Variants in RAD51B observed in about 807,000 individuals in gnomAD.
The protein encoded by RAD51B is DNA repair protein RAD51 homolog 2.
Under a neutral mutation model 42.2 loss-of-function variants are expected in RAD51B, and 38 were observed. That is an observed-to-expected ratio of 0.90 (90% CI 0.70 to 1.18). RAD51B has a LOEUF of 1.18. Ranked by LOEUF, RAD51B falls within the 50% of genes most tolerant of loss-of-function variation. The pLI is 0.00. For missense variants in RAD51B, 373 were observed against 400.7 expected (o/e 0.93, Z 0.59); for synonymous variants, 154 against 145.2 (o/e 1.06, Z -0.43).
chr14:67,860,520 G>C (rs748500040), intron 4 of RAD51B, among the ~76,000 whole-genome samples: 4 of 152,062 alleles, frequency 2.6e-5, no homozygotes, highest in Non-Finnish European at 5.9e-5. Context: ...ACATTTCATT[G>C]CATGTAGAAT....
At chr14:68,606,185 T>C (rs1891440222) in intron 10 of RAD51B, among the ~76,000 whole-genome samples, 1 of 152,162 alleles carries the variant, frequency 6.6e-6, no homozygotes, top group Non-Finnish European at 1.5e-5. Context: ...GGAACAACTG[T>C]GTAAGATGCT....
At chr14:68,362,404 T>C (rs2083043920) in intron 8 of RAD51B, among the ~76,000 whole-genome samples, 1 of 152,204 alleles carries the variant, frequency 6.6e-6, no homozygotes, top group African/African-American at 2.4e-5. Flanking sequence ...CATAGCAATC[T>C]GATGATGTAA....
chr14:68,269,512 C>T (rs1282564170), intron 7 of RAD51B, among the ~76,000 whole-genome samples: 4 of 152,248 alleles, frequency 2.6e-5, no homozygotes, highest in African/African-American at 9.6e-5. Flanking sequence ...GATCGTCACT[C>T]AGATCTCAGC....
rs542650674 is a variant in RAD51B, at chr14:68,174,532, T to A, written c.757-117352T>A. 5.3e-5 allele frequency among the ~76,000 whole-genome samples: 8 copies of A among 152,248 alleles called. No individual in the cohort carries two copies. The South Asian group carries it at 8.3e-4, about 16-fold the overall frequency. On this transcript the variant is annotated intron_variant, in intron 7 of 10. Coordinates refer to ENST00000471583, the MANE Select transcript of RAD51B (RefSeq NM_133510.4). ...ATAGTACCTTGAGCCTTTCAATGATTGCTGTTTAAAAAGTATATGACTGTA... is the reference window on the plus strand; with the variant it reads ...ATAGTACCTTGAGCCTTTCAATGATAGCTGTTTAAAAAGTATATGACTGTA...
In RAD51B at chr14:68,294,357, A is replaced by G. The variant is rs147501394; in HGVS notation, c.853+2377A>G. Among the ~76,000 whole-genome samples the G allele has an allele frequency of 3.3e-3, 505 of 152,330 alleles. 2 individuals carry two copies. Among genetic ancestry groups the G allele is most frequent in the African/African-American group, 0.011 (476 of 41,572 alleles). ...CTATATAAATATATTCCTATAGTCT[A>G]TAATGAAGGTTTTTATTAGTGGATT... On this transcript the variant is annotated intron_variant, in intron 8 of 10. Coordinates refer to ENST00000471583, the MANE Select transcript of RAD51B (RefSeq NM_133510.4).
At chr14:68,569,072 G>A (rs1223090096) in intron 10 of RAD51B, among the ~76,000 whole-genome samples, 1 of 152,172 alleles carries the variant, frequency 6.6e-6, no homozygotes, top group Non-Finnish European at 1.5e-5. Flanking sequence ...CAATGTTGTG[G>A]TTCTTGGCAC....
intron 7 of RAD51B, among the ~76,000 whole-genome samples, chr14:67,891,514 C>T (rs1321952277): frequency 1.3e-5 from 2 of 152,018 alleles, no homozygotes; most frequent in Non-Finnish European, 2.9e-5. Flanking sequence ...AGTTTTAAAT[C>T]ATTAACAAAT....
chr14:68,422,470 G>A (rs1461236400), intron 9 of RAD51B, among the ~76,000 whole-genome samples: 1 of 148,806 alleles, frequency 6.7e-6, no homozygotes, highest in Non-Finnish European at 1.5e-5. Flanking sequence ...CTGAGGCAGG[G>A]AATTGCTTGA....
At chr14:68,653,119 C>T (rs1319669252) in intron 11 of RAD51B, among the ~76,000 whole-genome samples, 1 of 152,202 alleles carries the variant, frequency 6.6e-6, no homozygotes, top group East Asian at 1.9e-4. Context: ...ACTTGGTGGG[C>T]TCACGGTGAC....
intron 10 of RAD51B, among the ~76,000 whole-genome samples, chr14:68,532,628 G>C (rs1252038809): frequency 6.6e-6 from 1 of 152,170 alleles, no homozygotes; most frequent in Non-Finnish European, 1.5e-5. Context: ...TTGGGCATAG[G>C]TGGATTTCTG....
intron 11 of RAD51B, among the ~76,000 whole-genome samples, chr14:68,669,671 C>G (rs925942559): frequency 6.6e-5 from 10 of 151,810 alleles, no homozygotes; most frequent in African/African-American, 2.4e-4. Flanking sequence ...CTCCCCACCC[C>G]CATTGCATTC....
At chr14:68,668,100 T>TA (rs1347145968) in intron 11 of RAD51B, among the ~76,000 whole-genome samples, 1 of 152,158 alleles carries the variant, frequency 6.6e-6, no homozygotes, top group Non-Finnish European at 1.5e-5. Context: ...GTCTGGGAAA[T>TA]ATCTGCTTCA....
intron 10 of RAD51B, chr14:68,610,971 G>A (rs17834971): frequency 0.16 from 109,968 of 688,158 alleles, 9,562 homozygotes; most frequent in Admixed American, 0.24. Flanking sequence ...AAAGTTTGTT[G>A]CATTTAAATC....
At chr14:67,827,136 G>T (rs1566910417) in intron 3 of RAD51B, among the ~76,000 whole-genome samples, 1 of 152,128 alleles carries the variant, frequency 6.6e-6, no homozygotes, top group Non-Finnish European at 1.5e-5. Flanking sequence ...TTTCTTTTAT[G>T]GGAGAAAACA....
chr14:68,462,589 C>T (rs984077129), intron 9 of RAD51B, among the ~76,000 whole-genome samples: 2 of 152,180 alleles, frequency 1.3e-5, no homozygotes, highest in East Asian at 3.9e-4. Flanking sequence ...CAGAGTCTCA[C>T]GATGTTGCCC....
At chr14:68,628,796 A>T (rs1358449776) in intron 10 of RAD51B, among the ~76,000 whole-genome samples, 1 of 152,084 alleles carries the variant, frequency 6.6e-6, no homozygotes, top group African/African-American at 2.4e-5. Context: ...GCCCGTTTCC[A>T]AACCAGGCCT....
chr14:68,515,129 T>C (rs1392284780), intron 10 of RAD51B, among the ~76,000 whole-genome samples: 2 of 152,240 alleles, frequency 1.3e-5, no homozygotes, highest in Non-Finnish European at 2.9e-5. Flanking sequence ...TATTTTCAAA[T>C]ATTAATTTTA....
At chr14:68,240,436 T>A (rs1042851243) in intron 7 of RAD51B, among the ~76,000 whole-genome samples, 3 of 152,238 alleles carry the variant, frequency 2.0e-5, no homozygotes, top group Non-Finnish European at 2.9e-5. Flanking sequence ...AGAGGTGCCT[T>A]ACTAATCAAT....
intron 7 of RAD51B, among the ~76,000 whole-genome samples, chr14:67,971,184 A>AT (rs1412370459): frequency 6.6e-6 from 1 of 152,128 alleles, no homozygotes; most frequent in African/African-American, 2.4e-5. Flanking sequence ...GAAGCAAAGC[A>AT]TTTTGAATTG....
Sources: gnomAD v4.1 joint callset for allele counts (sites outside exome capture counted in the v4.1 genomes callset) on GRCh38, gnomAD v4.1.1 for gene constraint, MANE v1.5 for transcripts, NCBI Gene and HGNC (gene_info 2026-07-23, HGNC 2026-07-21) for gene names.